The following PAX2 variants were observed in gnomAD, a reference collection of about 807,000 sequenced individuals.
PAX2 encodes paired box 2, also known as paired box protein Pax-2.
In PAX2, 9 loss-of-function variants were observed where a neutral mutation model predicts 41.7. The ratio of observed to expected loss-of-function variants is 0.22; its 90% CI spans 0.13 to 0.38. The LOEUF (loss-of-function observed/expected upper bound fraction) is 0.38, where lower values mean the gene tolerates loss of function less well. Ranked by LOEUF, PAX2 falls within the 10% of genes least tolerant of loss-of-function variation. The probability of loss-of-function intolerance (pLI) is 1.00; values close to 1 mark genes in which losing one functional copy is unlikely to be tolerated. For missense variants in PAX2, 418 were observed against 531.6 expected, an observed-to-expected ratio of 0.79 and a Z score of 2.10; for synonymous variants, 221 against 212.7, an observed-to-expected ratio of 1.04 and a Z score of -0.34.
chr10:100,764,136 ATTTTTT>A (rs145391942), intron 3 of PAX2, among the ~76,000 whole-genome samples: 1 of 103,744 alleles, frequency 9.6e-6, no homozygotes, highest in Non-Finnish European at 1.8e-5. Flanking sequence ...CAAACATTGA[ATTTTTT>A]TTTTTTTTTT....
intron 3 of PAX2, among the ~76,000 whole-genome samples, chr10:100,751,736 ATATGCCTATCTGTGG>A (rs559178345): frequency 6.3e-4 from 95 of 151,998 alleles, no homozygotes; most frequent in African/African-American, 2.1e-3. Flanking sequence ...CAGTGTGCCA[ATATGCCTATCTGTGG>A]TAGCTACAGA....
chr10:100,765,784 A>AACACAC (rs34862474), intron 3 of PAX2, among the ~76,000 whole-genome samples: 2 of 151,024 alleles, frequency 1.3e-5, no homozygotes, highest in South Asian at 4.2e-4. Context: ...CTCTGCTTAA[A>AACACAC]ACACACACAC....
intron 7 of PAX2, among the ~76,000 whole-genome samples, chr10:100,819,306 C>G (rs1433706847): frequency 6.7e-6 from 1 of 148,728 alleles, no homozygotes; most frequent in East Asian, 2.0e-4. Flanking sequence ...CAGTGGCTCA[C>G]GCCTGTAATC....
chr10:100,749,063 T>C (rs1564705555), intron 1 of PAX2: 1 of 985,334 alleles, frequency 1.0e-6, no homozygotes, highest in African/African-American at 1.7e-5. Flanking sequence ...CTACTTCAGA[T>C]ACTAAGGAGG....
At chr10:100,777,499 A>G (rs1846440431) in intron 3 of PAX2, among the ~76,000 whole-genome samples, 1 of 150,050 alleles carries the variant, frequency 6.7e-6, no homozygotes, top group Admixed American at 6.7e-5. Flanking sequence ...GGTTCAAGCA[A>G]TTCTCCTGCC....
chr10:100,794,749 G>A (rs1222179812), intron 5 of PAX2, among the ~76,000 whole-genome samples: 1 of 152,168 alleles, frequency 6.6e-6, no homozygotes, highest in Admixed American at 6.5e-5. Flanking sequence ...TTTTTTAGCA[G>A]CCATGTCAGA....
upstream of PAX2, among the ~76,000 whole-genome samples, chr10:100,745,394 G>C (rs1035334293): frequency 7.4e-6 from 1 of 135,750 alleles, no homozygotes; most frequent in Non-Finnish European, 1.6e-5. Flanking sequence ...TCCCCTAGCC[G>C]GCACCGGAGT....
intron 5 of PAX2, among the ~76,000 whole-genome samples, chr10:100,797,523 A>G (rs1847381853): frequency 6.6e-6 from 1 of 152,264 alleles, no homozygotes; most frequent in South Asian, 2.1e-4. Context: ...TAAGATTATC[A>G]GAGGAGTGCC....
At chr10:100,825,426 A>T (rs1243208713) in intron 8 of PAX2, among the ~76,000 whole-genome samples, 2 of 152,178 alleles carry the variant, frequency 1.3e-5, no homozygotes, top group Admixed American at 6.5e-5. Context: ...TGTTTGAATC[A>T]GAGAGACAGA....
At chr10:100,778,672 G>GC (rs771221141) in intron 3 of PAX2, among the ~76,000 whole-genome samples, 22 of 152,156 alleles carry the variant, frequency 1.4e-4, no homozygotes, top group Non-Finnish European at 1.3e-4. Flanking sequence ...GCATCATTGA[G>GC]CCCTCGGTTT....
At chr10:100,794,507 G>A (rs1257272911) in intron 5 of PAX2, among the ~76,000 whole-genome samples, 1 of 152,152 alleles carries the variant, frequency 6.6e-6, no homozygotes, top group Non-Finnish European at 1.5e-5. Context: ...CTTGGCAAAT[G>A]CTGGGCTGGG....
intron 7 of PAX2, among the ~76,000 whole-genome samples, chr10:100,809,815 G>A (rs1464340507): frequency 6.6e-6 from 1 of 152,220 alleles, no homozygotes; most frequent in Non-Finnish European, 1.5e-5. Flanking sequence ...TTCAAGGCCA[G>A]GTAGGATCAG....
At chr10:100,779,203 C>T (rs997566038) in intron 3 of PAX2, among the ~76,000 whole-genome samples, 6 of 152,226 alleles carry the variant, frequency 3.9e-5, no homozygotes, top group Non-Finnish European at 5.9e-5. Flanking sequence ...GCTGTGCTCA[C>T]TGGGTCTCTG....
intron 7 of PAX2, among the ~76,000 whole-genome samples, chr10:100,816,949 C>T (rs573857612): frequency 5.2e-4 from 79 of 152,278 alleles, no homozygotes; most frequent in Admixed American, 2.9e-3. Flanking sequence ...AAAAACACTG[C>T]GCTTTTGGAA....
At chr10:100,815,306 C>T (rs1271774779) in intron 7 of PAX2, among the ~76,000 whole-genome samples, 2 of 152,160 alleles carry the variant, frequency 1.3e-5, no homozygotes, top group African/African-American at 4.8e-5. Context: ...CAGCTCAAAG[C>T]CCCTGATTAG....
At chr10:100,757,397 A>G (rs1198348345) in intron 3 of PAX2, among the ~76,000 whole-genome samples, 1 of 152,244 alleles carries the variant, frequency 6.6e-6, no homozygotes, top group Non-Finnish European at 1.5e-5. Context: ...AATTGGAGCC[A>G]CATTTTCCTT....
chr10:100,750,792 G>A lies in PAX2; in HGVS notation c.311G>A (p.Arg104Gln), dbSNP rs1845411734. The A allele has an allele frequency of 6.2e-7, 1 of 1,614,186 alleles. No individual in the cohort carries two copies. The highest frequency in any genetic ancestry group is 8.5e-7 in the Non-Finnish European group (1 of 1,179,996). Residue 104 changes from arginine to glutamine, a missense_variant, in exon 3 of 10, where the codon CGA becomes CAA. By Grantham distance (43) the Arg-to-Gln change is conservative (BLOSUM62 1). Around this residue, in one of 2 missense-constraint regions of PAX2, gnomAD observed 108 missense variants for 206.3 expected, o/e 0.52. Transcript: ENST00000355243. This position sits in a 1 kb window ranked among gnomAD's most constrained non-coding sequence, Gnocchi z 4.1. ...KVVDKIAEYK[R>Q]QNPTMFAWEI... Reference sequence around the variant, plus strand: ...GTGGACAAGATTGCTGAATACAAACGACAGAACCCGACTATGTTCGCCTGG... The same window carrying A: ...GTGGACAAGATTGCTGAATACAAACAACAGAACCCGACTATGTTCGCCTGG...
intron 5 of PAX2, among the ~76,000 whole-genome samples, chr10:100,806,095 G>T (rs1847770890): frequency 6.6e-6 from 1 of 152,318 alleles, no homozygotes; most frequent in African/African-American, 2.4e-5. Context: ...TGGCTTGGGG[G>T]CAGGGGGTGG....
intron 7 of PAX2, among the ~76,000 whole-genome samples, chr10:100,810,988 A>G (rs1290811710): frequency 6.6e-6 from 1 of 152,212 alleles, no homozygotes; most frequent in Non-Finnish European, 1.5e-5. Context: ...AGTTAGCACT[A>G]ACATCTCAAT....
Sources: allele counts gnomAD v4.1 joint callset (sites outside exome capture counted in the v4.1 genomes callset), GRCh38; gene constraint gnomAD v4.1.1; regional missense constraint gnomAD v4.1.1; non-coding constraint Gnocchi (gnomAD v3.1); transcripts MANE v1.5; gene names NCBI Gene and HGNC (gene_info 2026-07-23, HGNC 2026-07-21).